Variants in KIF21A observed in about 807,000 individuals in gnomAD.
KIF21A encodes the protein kinesin family member 21A.
Under a neutral mutation model 202.9 loss-of-function variants are expected in KIF21A, and 114 were observed. That is an observed-to-expected ratio of 0.56 (90% CI 0.48 to 0.66). The LOEUF is 0.66. Ranked by LOEUF, KIF21A falls within the 30% of genes least tolerant of loss-of-function variation. The pLI is 0.00. For missense variants in KIF21A, 1,677 were observed against 1,994.9 expected, an observed-to-expected ratio of 0.84 and a Z score of 3.04; for synonymous variants, 667 against 670.8, an observed-to-expected ratio of 0.99 and a Z score of 0.09.
At chr12:39,297,985 G>T (rs1942575005) in intron 37 of KIF21A, among the ~76,000 whole-genome samples, 1 of 150,616 alleles carries the variant, frequency 6.6e-6, no homozygotes, top group Non-Finnish European at 1.5e-5. Context: ...AGTTTGAGAT[G>T]ATTAAATTTC....
chr12:39,338,127 G>A (rs927054668), intron 16 of KIF21A, among the ~76,000 whole-genome samples: 6 of 152,146 alleles, frequency 3.9e-5, no homozygotes, highest in Non-Finnish European at 5.9e-5. Context: ...TTAATGCTCC[G>A]GAATGCCTTC....
At chr12:39,440,553 A>G (rs1349846110) in intron 1 of KIF21A, among the ~76,000 whole-genome samples, 7 of 152,258 alleles carry the variant, frequency 4.6e-5, no homozygotes, top group Non-Finnish European at 1.0e-4. Flanking sequence ...CTTTTAGCCC[A>G]GAAATCAGGA....
At chr12:39,315,130 G>T in intron 31 of KIF21A, 99 bp downstream of exon 31, 2 of 1,119,576 alleles carry the variant, frequency 1.8e-6, no homozygotes, top group Non-Finnish European at 2.7e-6. Context: ...TTGATCTGAA[G>T]GAGAGAAAAA....
At chr12:39,296,361 G>C (rs755956201) in intron 37 of KIF21A, among the ~76,000 whole-genome samples, 1 of 151,958 alleles carries the variant, frequency 6.6e-6, no homozygotes, top group Non-Finnish European at 1.5e-5. Context: ...GAGCCACCAC[G>C]CCTGGCCAGG....
chr12:39,300,340 G>C (rs975540145), intron 37 of KIF21A, among the ~76,000 whole-genome samples: 1 of 151,784 alleles, frequency 6.6e-6, no homozygotes, highest in African/African-American at 2.4e-5. Context: ...ATGCATCTTG[G>C]AAATAGCATC....
intron 1 of KIF21A, among the ~76,000 whole-genome samples, chr12:39,394,033 G>A (rs1421398053): frequency 2.0e-5 from 3 of 152,162 alleles, no homozygotes; most frequent in African/African-American, 7.2e-5. Context: ...GGCATATTCC[G>A]GAACTCAAGT....
chr12:39,347,326 G>A (rs1034707978), intron 11 of KIF21A, among the ~76,000 whole-genome samples: 1 of 151,446 alleles, frequency 6.6e-6, no homozygotes, highest in South Asian at 2.1e-4. Context: ...ATGTGTAAAG[G>A]GTTTTAAAGA....
At chr12:39,350,770 AGG>A (rs1282233341) in intron 11 of KIF21A, among the ~76,000 whole-genome samples, 2 of 152,048 alleles carry the variant, frequency 1.3e-5, no homozygotes, top group Non-Finnish European at 2.9e-5. Context: ...TTTTAAACTC[AGG>A]AACACAAAGC....
chr12:39,391,975 T>C (rs886671052), intron 1 of KIF21A, among the ~76,000 whole-genome samples: 3 of 152,042 alleles, frequency 2.0e-5, no homozygotes, highest in Admixed American at 6.6e-5. Flanking sequence ...CCTGACCTCA[T>C]GATCCACCCA....
intron 11 of KIF21A, among the ~76,000 whole-genome samples, chr12:39,347,821 ATGAG>A (rs1948031413): frequency 6.6e-6 from 1 of 152,076 alleles, no homozygotes; most frequent in African/African-American, 2.4e-5. Flanking sequence ...AGTCTGATCG[ATGAG>A]TGAAGTTTTT....
At chr12:39,424,992 A>C (rs79305178) in intron 1 of KIF21A, among the ~76,000 whole-genome samples, 15,535 of 151,886 alleles carry the variant, frequency 0.1, 1,836 homozygotes, top group African/African-American at 0.29. Flanking sequence ...GATCTTACCT[A>C]TCTTCACCCT....
At chr12:39,404,127 G>C (rs567978971) in intron 1 of KIF21A, among the ~76,000 whole-genome samples, 1 of 152,222 alleles carries the variant, frequency 6.6e-6, no homozygotes, top group East Asian at 1.9e-4. Context: ...CCAGGCTAGA[G>C]TGCAGTGGCT....
intron 1 of KIF21A, among the ~76,000 whole-genome samples, chr12:39,416,741 A>G (rs1362335148): frequency 1.4e-4 from 19 of 134,194 alleles, no homozygotes; most frequent in Non-Finnish European, 2.5e-4. Context: ...ATATGTGTAT[A>G]TATATATGTA....
At position 39,340,811 on chromosome 12, in the gene KIF21A, A is replaced by G. The variant is rs963885076; in HGVS notation, c.2110+95T>C. 3 of 877,150 alleles carry G rather than the reference A, an allele frequency of 3.4e-6. No homozygotes were observed. In the African/African-American group the frequency reaches 5.1e-5, roughly 15 times the overall value. The allele number at this position is 877,150 out of a possible 1,614,324, so 54.3% of individuals were successfully genotyped here. On this transcript the variant is annotated intron_variant, in intron 15 of 37. Coordinates refer to ENST00000361418, the MANE Select transcript of KIF21A (RefSeq NM_001173464.2). ...CAAATAAATAACAAAAAAGGGTTTAATACGGCTTCTATTTTTTTTCTTCTA... is the reference window on the plus strand; with the variant it reads ...CAAATAAATAACAAAAAAGGGTTTAGTACGGCTTCTATTTTTTTTCTTCTA...
chr12:39,395,771 G>C (rs1421153019), intron 1 of KIF21A, among the ~76,000 whole-genome samples: 1 of 151,518 alleles, frequency 6.6e-6, no homozygotes, highest in Non-Finnish European at 1.5e-5. Context: ...GAAACCGGGA[G>C]GTGGAGGTTG....
chr12:39,440,217 A>G (rs1939371178), intron 1 of KIF21A, among the ~76,000 whole-genome samples: 3 of 152,354 alleles, frequency 2.0e-5, no homozygotes, highest in East Asian at 3.9e-4. Context: ...AAATGAACTA[A>G]TACAAAATCA....
At chr12:39,319,164 G>A (rs140677648) in intron 28 of KIF21A, among the ~76,000 whole-genome samples, 1,641 of 152,170 alleles carry the variant, frequency 0.011, 119 homozygotes, top group Admixed American at 0.092. Flanking sequence ...AGAAATTAAA[G>A]TAATTCACTT....
chr12:39,397,835 A>C (rs1405085808), intron 1 of KIF21A, among the ~76,000 whole-genome samples: 1 of 152,210 alleles, frequency 6.6e-6, no homozygotes, highest in Non-Finnish European at 1.5e-5. Flanking sequence ...AAAATAATCT[A>C]ATGACAGGCA....
chr12:39,342,706 T>C (rs1304718526), intron 12 of KIF21A, among the ~76,000 whole-genome samples: 1 of 152,174 alleles, frequency 6.6e-6, no homozygotes, highest in Non-Finnish European at 1.5e-5. Context: ...AGGCTACTTC[T>C]CATTATGGTC....
Sources: allele counts gnomAD v4.1 joint callset (sites outside exome capture counted in the v4.1 genomes callset), GRCh38; gene constraint gnomAD v4.1.1; transcripts MANE v1.5; gene names NCBI Gene and HGNC (gene_info 2026-07-23, HGNC 2026-07-21).